The following MBTPS1 variants were observed in gnomAD, a reference collection of about 807,000 sequenced individuals.
MBTPS1 encodes membrane-bound transcription factor site-1 protease.
In MBTPS1, 94 loss-of-function variants were observed where a neutral mutation model predicts 127.8. The observed-to-expected ratio is 0.74, with a 90% CI of 0.62 to 0.87. MBTPS1 has a LOEUF of 0.87. Ranked by LOEUF, MBTPS1 falls within the 40% of genes least tolerant of loss-of-function variation. MBTPS1 has a pLI of 0.00. For missense variants in MBTPS1, 1,636 were observed against 1,353.2 expected (o/e 1.21, Z -3.28); for synonymous variants, 632 against 509.4 (o/e 1.24, Z -3.24).
intron 1 of MBTPS1, among the ~76,000 whole-genome samples, chr16:84,114,644 A>G (rs1196977885): frequency 6.6e-6 from 1 of 151,770 alleles, no homozygotes; most frequent in African/African-American, 2.4e-5. Flanking sequence ...AGCCTGACCA[A>G]CATGGTAAAA....
chr16:84,054,321 A>G lies in MBTPS1; in HGVS notation c.*128T>C, dbSNP rs2085483246. On this transcript the variant is annotated 3_prime_UTR_variant, in exon 23 of 23. Coordinates refer to ENST00000343411, the MANE Select transcript of MBTPS1 (RefSeq NM_003791.4). Reference sequence around the variant, plus strand: ...TCACAGGAGGGCAGGCCCATGTAGAACAGACTCTAACAAACCTGCAGCTGG... The same window carrying G: ...TCACAGGAGGGCAGGCCCATGTAGAGCAGACTCTAACAAACCTGCAGCTGG... 10 of 792,242 alleles carry G rather than the reference A, an allele frequency of 1.3e-5. No individual in the cohort carries two copies. In the East Asian group the frequency reaches 2.6e-4, roughly 21 times the overall value. The allele number at this position is 792,242 out of a possible 1,614,324, so 49.1% of individuals were successfully genotyped here.
chr16:84,060,662 C>T lies in MBTPS1; in HGVS notation c.2704+20G>A, dbSNP rs2085596160. On this transcript the variant is annotated intron_variant, in intron 20 of 22. Transcript: ENST00000343411. ...GCTGGATCCAATTCCCTCCCCAAGG[C>T]ATCCTGCCCATCCACTCACCTTCCA... The T allele has an allele frequency of 1.2e-6, 2 of 1,609,060 alleles. No homozygotes were observed. Among genetic ancestry groups the T allele is most frequent in the Non-Finnish European group, 1.7e-6 (2 of 1,176,200 alleles).
At chr16:84,106,537 G>T (rs2086325922) in intron 1 of MBTPS1, among the ~76,000 whole-genome samples, 1 of 152,122 alleles carries the variant, frequency 6.6e-6, no homozygotes, top group South Asian at 2.1e-4. Flanking sequence ...TGTGAGGAAA[G>T]AAAGGCAAAG....
Position 84,065,697 on chromosome 16 carries a change from C to A in MBTPS1, c.2424G>T (p.Lys808Asn). 6.2e-7 allele frequency: 1 copy of A among 1,612,532 alleles called. No individual in the cohort carries two copies. The highest frequency in any genetic ancestry group is 8.5e-7 in the Non-Finnish European group (1 of 1,178,922). ...ATGAATGGCATCCTTTACCTTGGTC[C>A]TTGAAAGTCTGTGTTATCACGACGC... ...EDGVVITQTF[K>N]DQGLEVLKQE... Residue 808 changes from lysine to asparagine, a missense_variant, in exon 18 of 23, where the codon AAG becomes AAT. Physicochemically the swap from Lys to Asn is moderately conservative, Grantham distance 94 (BLOSUM62 0). Coordinates refer to ENST00000343411, the MANE Select transcript of MBTPS1 (RefSeq NM_003791.4).
At chr16:84,110,735 T>C (rs2086386156) in intron 1 of MBTPS1, 1 of 152,146 alleles carries the variant, frequency 6.6e-6, no homozygotes, top group African/African-American at 2.4e-5. Context: ...CACCAGCAAG[T>C]AGAACAGCTG....
At chr16:84,079,591 C>T (rs898903619) in intron 11 of MBTPS1, among the ~76,000 whole-genome samples, 6 of 152,202 alleles carry the variant, frequency 3.9e-5, no homozygotes, top group African/African-American at 1.4e-4. Flanking sequence ...TCCAAAGCTG[C>T]TCAGTACGTA....
chr16:84,064,398 A>G (rs1277750333), intron 18 of MBTPS1, among the ~76,000 whole-genome samples: 1 of 152,168 alleles, frequency 6.6e-6, no homozygotes, highest in Non-Finnish European at 1.5e-5. Flanking sequence ...TATTTCTGCC[A>G]TCAGGGTCTT....
chr16:84,063,277 T>C, intron 19 of MBTPS1, 28 bp downstream of exon 19: 1 of 1,591,282 alleles, frequency 6.3e-7, no homozygotes. Flanking sequence ...AGTGCCGAAG[T>C]CACAAAGTCC....
chr16:84,067,636 T>A (rs201457377), intron 16 of MBTPS1, 31 bp downstream of exon 16: 1 of 893,798 alleles, frequency 1.1e-6, no homozygotes, highest in Non-Finnish European at 1.6e-6. Flanking sequence ...CCCAAAAGTC[T>A]TATCCAAATA....
Position 84,102,005 on chromosome 16 carries a change from T to G in MBTPS1, c.-222A>C, listed in dbSNP as rs2086263999. 1.9e-6 allele frequency: 1 copy of G among 521,324 alleles called. No homozygotes were observed. Among genetic ancestry groups the G allele is most frequent in the Admixed American group, 3.4e-5 (1 of 29,564 alleles). 32.3% of individuals were successfully genotyped at this position (521,324 alleles called of 1,614,324 possible). Reference sequence around the variant, plus strand: ...CTCCGCTTCTTCTCCATCTTGGAAATAAGGCTTCTCTCACTCAGGCCGTGA... The same window carrying G: ...CTCCGCTTCTTCTCCATCTTGGAAAGAAGGCTTCTCTCACTCAGGCCGTGA... On this transcript the variant is annotated 5_prime_UTR_variant, in exon 2 of 23. Transcript: ENST00000343411.
At chr16:84,072,614 A>AC (rs1221705720) in intron 12 of MBTPS1, among the ~76,000 whole-genome samples, 5 of 151,988 alleles carry the variant, frequency 3.3e-5, no homozygotes, top group Non-Finnish European at 7.4e-5. Flanking sequence ...ACATGGTGAA[A>AC]CCCGTCTCTA....
At chr16:84,077,234 G>GAAAAAAAAAAA (rs1191331764) in intron 11 of MBTPS1, among the ~76,000 whole-genome samples, 2 of 100,298 alleles carry the variant, frequency 2.0e-5, no homozygotes, top group Non-Finnish European at 4.0e-5. Flanking sequence ...CATTAAAAAA[G>GAAAAAAAAAAA]AAAAAAAAAA....
chr16:84,103,320 C>G lies in MBTPS1; in HGVS notation c.-324-1213G>C, dbSNP rs552380972. Among the ~76,000 whole-genome samples, 408 of 150,444 alleles carry G rather than the reference C, an allele frequency of 2.7e-3. 1 individual carries two copies. The highest frequency in any genetic ancestry group is 4.5e-3 in the Non-Finnish European group (306 of 67,784). On this transcript the variant is annotated intron_variant, in intron 1 of 22. Transcript: ENST00000343411. ...CCCAGGCTGGAGTGGGTGGCGCAAT[C>G]TCTGCACAGTTCACTGCAGCCTCAA...
In MBTPS1 at chr16:84,068,335, T is replaced by C. The variant is rs557656555; in HGVS notation, c.2071+4A>G. 6.3e-7 allele frequency: 1 copy of C among 1,594,992 alleles called. No homozygotes were observed. Among genetic ancestry groups the C allele is most frequent in the East Asian group, 2.2e-5 (1 of 44,786 alleles). ...CATCTGGCTAGCACAGCAGTGCCACTTACCATACTGACTGGCATCAAAACA... is the reference window on the plus strand; with the variant it reads ...CATCTGGCTAGCACAGCAGTGCCACCTACCATACTGACTGGCATCAAAACA... On this transcript the variant is annotated splice_donor_region_variant and intron_variant, in intron 15 of 22. Coordinates refer to ENST00000343411, the MANE Select transcript of MBTPS1 (RefSeq NM_003791.4).
At chr16:84,068,554 GC>G (rs2085724692) in intron 14 of MBTPS1, 100 bp from the exon 15 acceptor site, 4 of 807,238 alleles carry the variant, frequency 5.0e-6, no homozygotes, top group Admixed American at 4.2e-5. Context: ...CCATGCCATG[GC>G]CCACAGAGAA....
Position 84,104,893 on chromosome 16 carries a change from T to A in MBTPS1, c.-324-2786A>T, listed in dbSNP as rs561232381. Among the ~76,000 whole-genome samples, 16 of 151,640 alleles carry A rather than the reference T, an allele frequency of 1.1e-4. No individual in the cohort carries two copies. In the East Asian group the frequency reaches 3.1e-3, roughly 29 times the overall value. On this transcript the variant is annotated intron_variant, in intron 1 of 22. Coordinates refer to ENST00000343411, the MANE Select transcript of MBTPS1 (RefSeq NM_003791.4). ...GAGTTAGAGACCAGCCTGGCCAACA[T>A]GGTGAAACCCCATATCTACTAAAAA...
chr16:84,070,135 T>C (rs954583584), intron 13 of MBTPS1, 97 bp from the exon 14 acceptor site: 2 of 1,033,748 alleles, frequency 1.9e-6, no homozygotes, highest in South Asian at 1.7e-5. Context: ...TTAACCTAAA[T>C]AATTTGAACA....
rs142980972 is a variant in MBTPS1 at position 84,099,094 on chromosome 16, G to A, written c.380C>T (p.Thr127Met). Residue 127 changes from threonine (T) to methionine (M), a missense_variant, in exon 3 of 23, where the codon ACG becomes ATG. Thr to Met is a moderately conservative substitution (Grantham distance 81, BLOSUM62 -1). Coordinates refer to ENST00000343411, the MANE Select transcript of MBTPS1 (RefSeq NM_003791.4). Reference sequence around the variant, plus strand: ...GGAACGAAAGACTTTTCGTTGGGGCGTGACCCGTTTGATGTTTGGATGATC... The same window carrying A: ...GGAACGAAAGACTTTTCGTTGGGGCATGACCCGTTTGATGTTTGGATGATC... ...LEDHPNIKRV[T>M]PQRKVFRSLK... 1.5e-5 allele frequency: 25 copies of A among 1,614,048 alleles called. No homozygotes were observed. In the East Asian group the frequency reaches 3.1e-4, roughly 20 times the overall value.
At chr16:84,108,148 C>T (rs74522793) in intron 1 of MBTPS1, among the ~76,000 whole-genome samples, 7,378 of 152,124 alleles carry the variant, frequency 0.048, 221 homozygotes, top group Non-Finnish European at 0.075. Context: ...ACAATGCAAA[C>T]CCGATGGGCA....
Sources: gnomAD v4.1 joint callset for allele counts (sites outside exome capture counted in the v4.1 genomes callset) on GRCh38, gnomAD v4.1.1 for gene constraint, MANE v1.5 for transcripts, NCBI Gene and HGNC (gene_info 2026-07-23, HGNC 2026-07-21) for gene names.